Variants in UIMC1 observed in about 807,000 individuals in gnomAD.
The protein encoded by UIMC1 is BRCA1-A complex subunit RAP80.
In UIMC1, 42 loss-of-function variants were observed where a neutral mutation model predicts 84.9. That is an observed-to-expected ratio of 0.49 (90% CI 0.39 to 0.64). The LOEUF (loss-of-function observed/expected upper bound fraction) is 0.64. Among genes scored for constraint, UIMC1 ranks in the 30% least tolerant of loss-of-function variants. The pLI is 0.00. For missense variants in UIMC1, 825 were observed against 847.6 expected (o/e 0.97, Z 0.33); for synonymous variants, 281 against 293.0 (o/e 0.96, Z 0.42).
chr5:176,972,318 C>T (rs997262720), intron 3 of UIMC1, among the ~76,000 whole-genome samples: 24 of 151,688 alleles, frequency 1.6e-4, no homozygotes, highest in African/African-American at 5.1e-4. Flanking sequence ...AGGAGAATGG[C>T]GTGAACCCTG....
chr5:176,930,770 T>C (rs970129397), intron 10 of UIMC1, among the ~76,000 whole-genome samples: 17 of 152,260 alleles, frequency 1.1e-4, no homozygotes, highest in Non-Finnish European at 2.2e-4. Context: ...AATGTTCATC[T>C]GATCTTTTTT....
At chr5:176,983,443 C>T (rs1231065308) in intron 1 of UIMC1, among the ~76,000 whole-genome samples, 11 of 152,228 alleles carry the variant, frequency 7.2e-5, no homozygotes, top group East Asian at 3.9e-4. Flanking sequence ...CCATGTTGAC[C>T]GGGCTGGTCT....
At chr5:176,926,846 C>T (rs1762437991) in intron 10 of UIMC1, among the ~76,000 whole-genome samples, 1 of 151,944 alleles carries the variant, frequency 6.6e-6, no homozygotes, top group African/African-American at 2.4e-5. Context: ...TTGAAATTTT[C>T]AAAATAGAGA....
At chr5:176,943,296 C>CA in intron 10 of UIMC1, 39 bp downstream of exon 10, 2 of 1,600,252 alleles carry the variant, frequency 1.2e-6, no homozygotes, top group Non-Finnish European at 1.7e-6. Flanking sequence ...AACCACCACA[C>CA]AAAAAAGTAA....
intron 10 of UIMC1, among the ~76,000 whole-genome samples, chr5:176,920,682 T>A (rs1340766959): frequency 6.6e-6 from 1 of 152,244 alleles, no homozygotes; most frequent in East Asian, 1.9e-4. Flanking sequence ...GCTTGTTTTA[T>A]TTCAGTGGAT....
Position 176,938,169 on chromosome 5 carries a change from TACAGAGTAAGACCCTGTCTCA to T in UIMC1, c.1597+5145_1597+5165del, listed in dbSNP as rs1301881021. On this transcript the variant is annotated intron_variant, in intron 10 of 14. Transcript: ENST00000511320. ...TCCACCACTGCCCTCCAGCCTGGGCTACAGAGTAAGACCCTGTCTCAAAAAAAAAAAAAAAAAAAAAAAGGG... is the reference window on the plus strand; with the variant it reads ...TCCACCACTGCCCTCCAGCCTGGGCTAAAAAAAAAAAAAAAAAAAAAAGGG... 6.2e-5 allele frequency among the ~76,000 whole-genome samples: 7 copies of T among 112,572 alleles called. No individual in the cohort carries two copies. In the East Asian group the frequency reaches 1.9e-3, roughly 30 times the overall value. The allele number at this position is 112,572 out of a possible 152,430, so 73.9% of individuals were successfully genotyped here.
At chr5:176,987,546 A>G (rs1220166853) in intron 1 of UIMC1, among the ~76,000 whole-genome samples, 3 of 152,002 alleles carry the variant, frequency 2.0e-5, no homozygotes, top group Admixed American at 6.6e-5. Flanking sequence ...CCAGCTACTC[A>G]GGAGGCTGAG....
intron 1 of UIMC1, among the ~76,000 whole-genome samples, chr5:177,015,371 A>G (rs1338563568): frequency 6.6e-6 from 1 of 152,164 alleles, no homozygotes; most frequent in African/African-American, 2.4e-5. Context: ...TTTGTGGTTA[A>G]TCCCCAGCCT....
chr5:176,911,263 C>A (rs778076223), intron 11 of UIMC1, 48 bp downstream of exon 11: 1 of 1,476,022 alleles, frequency 6.8e-7, no homozygotes, highest in African/African-American at 1.4e-5. Context: ...TCAGTCCAAA[C>A]GATGGTATGT....
rs193085940 is a variant in UIMC1, at chr5:176,991,231, G to C, written c.-8-8608C>G. 4.7e-4 allele frequency among the ~76,000 whole-genome samples: 71 copies of C among 151,640 alleles called. 1 individual carries two copies. The highest frequency in any genetic ancestry group is 3.7e-3 in the South Asian group (18 of 4,812). On this transcript the variant is annotated intron_variant, in intron 1 of 14. Transcript: ENST00000511320. Reference sequence around the variant, plus strand: ...TCATCGTGTTAGCCAAGATGGTCTCGATCTCCTGACCTCGTGATCCACCTG... The same window carrying C: ...TCATCGTGTTAGCCAAGATGGTCTCCATCTCCTGACCTCGTGATCCACCTG...
At chr5:177,000,330 A>G (rs1202173423) in intron 1 of UIMC1, among the ~76,000 whole-genome samples, 2 of 152,086 alleles carry the variant, frequency 1.3e-5, no homozygotes, top group African/African-American at 4.8e-5. Flanking sequence ...CCAACAGTGT[A>G]CAAGGGTTCC....
chr5:176,906,322 T>C, intron 13 of UIMC1: 1 of 436,848 alleles, frequency 2.3e-6, no homozygotes, highest in Non-Finnish European at 4.1e-6. Flanking sequence ...CCAAGGGAAA[T>C]CTGCCACCTG....
rs139593850 is a variant in UIMC1, at chr5:176,941,831, A to G, written c.1597+1504T>C. Among the ~76,000 whole-genome samples, 40 of 152,036 alleles carry G rather than the reference A, an allele frequency of 2.6e-4. No individual in the cohort carries two copies. In the East Asian group the frequency reaches 7.2e-3, roughly 27 times the overall value. ...CAATGTCTTATGCTGTCTGAAAAGT[A>G]GGGATTTTGGTACAGACTTTTTTTT... On this transcript the variant is annotated intron_variant, in intron 10 of 14. Coordinates refer to ENST00000511320, the MANE Select transcript of UIMC1 (RefSeq NM_001199298.2).
chr5:176,930,382 A>G (rs1300626583), intron 10 of UIMC1, among the ~76,000 whole-genome samples: 2 of 152,220 alleles, frequency 1.3e-5, no homozygotes, highest in Non-Finnish European at 2.9e-5. Context: ...TAGAGCACAG[A>G]TTACTAGCTT....
At position 176,942,178 on chromosome 5, in the gene UIMC1, G is replaced by A. The variant is rs149747838; in HGVS notation, c.1597+1157C>T. ...TAAAGAGATAAACCAACAGCTCCTC[G>A]GTAACTCAGCAGAGATATGATATGT... On this transcript the variant is annotated intron_variant, in intron 10 of 14. Coordinates refer to ENST00000511320, the MANE Select transcript of UIMC1 (RefSeq NM_001199298.2). 8.0e-4 allele frequency among the ~76,000 whole-genome samples: 121 copies of A among 152,090 alleles called. 1 individual carries two copies. The highest frequency in any genetic ancestry group is 4.4e-3 in the East Asian group (23 of 5,170).
chr5:177,009,808 G>T (rs140191256), upstream of UIMC1, among the ~76,000 whole-genome samples: 6 of 152,028 alleles, frequency 3.9e-5, no homozygotes, highest in African/African-American at 1.4e-4. The surrounding 1 kb of genome is among the most constrained non-coding windows in gnomAD (Gnocchi z 4.3). Context: ...GCCGAGGCGG[G>T]TGGATCACTT....
At chr5:176,937,637 T>C (rs1390874282) in intron 10 of UIMC1, among the ~76,000 whole-genome samples, 1 of 152,226 alleles carries the variant, frequency 6.6e-6, no homozygotes, top group Non-Finnish European at 1.5e-5. Flanking sequence ...ACAGCAAAGT[T>C]AGTCAGACAT....
chr5:176,938,332 C>T (rs1008432676), intron 10 of UIMC1, among the ~76,000 whole-genome samples: 2 of 151,430 alleles, frequency 1.3e-5, no homozygotes. Context: ...TAAGAGGAAC[C>T]AGCACAATCA....
rs1766844327 is a variant in UIMC1 at position 176,958,138 on chromosome 5, A to G, written c.1217T>C (p.Val406Ala). 6.2e-7 allele frequency: 1 copy of G among 1,613,902 alleles called. No homozygotes were observed. The highest frequency in any genetic ancestry group is 8.5e-7 in the Non-Finnish European group (1 of 1,179,810). Residue 406 changes from valine (V) to alanine (A), a missense_variant, in exon 7 of 15, where the codon GTT becomes GCT. Physicochemically the swap from Val to Ala is moderately conservative, Grantham distance 64. Coordinates refer to ENST00000511320, the MANE Select transcript of UIMC1 (RefSeq NM_001199298.2). ...GTTTCCCTCTTCAGAAGTTTCTTCAACAATCCCTTGGGAAGACTGCAAAGA... is the reference window on the plus strand; with the variant it reads ...GTTTCCCTCTTCAGAAGTTTCTTCAGCAATCCCTTGGGAAGACTGCAAAGA... ...TSHGQSSQGIVEETSEEGNSV... is the reference protein window; with the variant it reads ...TSHGQSSQGIAEETSEEGNSV...
Sources: allele counts gnomAD v4.1 joint callset (sites outside exome capture counted in the v4.1 genomes callset), GRCh38; gene constraint gnomAD v4.1.1; non-coding constraint Gnocchi (gnomAD v3.1); transcripts MANE v1.5; gene names NCBI Gene and HGNC (gene_info 2026-07-23, HGNC 2026-07-21).